The following MED12 variants were observed in gnomAD, a reference collection of about 807,000 sequenced individuals.
MED12 encodes the protein mediator of RNA polymerase II transcription subunit 12.
In MED12, 10 loss-of-function variants were observed where a neutral mutation model predicts 177.7. That is an observed-to-expected ratio of 0.06 (90% CI 0.03 to 0.10). MED12 has a LOEUF of 0.10. MED12 is among the 10% of genes least tolerant of loss of function. MED12 has a pLI of 1.00. For missense variants in MED12, 867 were observed against 1,780.8 expected (o/e 0.49, Z 9.23); for synonymous variants, 641 against 678.4 (o/e 0.94, Z 0.86).
Position 71,122,894 on chromosome X carries a change from G to C in MED12, c.1485+20G>C. Reference sequence around the variant, plus strand: ...CATGAGGTAAGCGAAAAGGGGAATAGAAGGAGCAAAAAACATTGCAAGAGC... The same window carrying C: ...CATGAGGTAAGCGAAAAGGGGAATACAAGGAGCAAAAAACATTGCAAGAGC... On this transcript the variant is annotated intron_variant, in intron 10 of 44. Transcript: ENST00000374080. The C allele has an allele frequency of 8.3e-7, 1 of 1,208,386 alleles. No homozygotes were observed. Among genetic ancestry groups the C allele is most frequent in the South Asian group, 1.8e-5 (1 of 56,947 alleles).
At chrX:71,128,897 T>G (rs2092309760) in intron 24 of MED12, 179 bp downstream of exon 24, 9 of 620,425 alleles carry the variant, frequency 1.5e-5, no homozygotes, top group Non-Finnish European at 2.0e-5. Flanking sequence ...GCCCTGGATT[T>G]GCAGCCCTGA....
At chrX:71,130,335 G>A (rs2092313778) in intron 28 of MED12, 121 bp downstream of exon 28, 2 of 759,059 alleles carry the variant, frequency 2.6e-6, no homozygotes, top group Non-Finnish European at 3.8e-6. Flanking sequence ...AAGGATATAG[G>A]GGAGGGGAGA....
chrX:71,131,454 T>G, intron 28 of MED12, 96 bp from the exon 29 acceptor site: 1 of 828,335 alleles, frequency 1.2e-6, no homozygotes, highest in Non-Finnish European at 1.8e-6. Flanking sequence ...GAGTCTGTGA[T>G]TCAATGTTGC....
At position 71,132,388 on chromosome X, in the gene MED12, G is replaced by A. The variant is rs1255849432; in HGVS notation, c.4265G>A (p.Arg1422His). 8.3e-7 allele frequency: 1 copy of A among 1,211,109 alleles called. No individual in the cohort carries two copies. The highest frequency in any genetic ancestry group is 1.1e-6 in the Non-Finnish European group (1 of 895,324). Residue 1422 changes from arginine to histidine, a missense_variant, in exon 31 of 45, where the codon CGC becomes CAC. By Grantham distance (29) the Arg-to-His change is conservative. Transcript: ENST00000374080. ...KTKPVLSSLE[R>H]SGVWLVAPLI... ...TGTCTGTTCTCCAGCTCTCTAGAGC[G>A]CTCTGGTGTATGGCTGGTGGCCCCC... is the stretch of plus-strand genomic sequence containing the variant.
Position 71,121,038 on chromosome X carries a change from A to T in MED12, c.621A>T (p.Pro207=), listed in dbSNP as rs1467258035. Reference sequence around the variant, plus strand: ...AGAAGATGGCTGAATACTACCGGCCAGGGCCTGCAGGAAGTGGGGGCTGTG... The same window carrying T: ...AGAAGATGGCTGAATACTACCGGCCTGGGCCTGCAGGAAGTGGGGGCTGTG... The part of the protein sequence containing the change: ...QLQKMAEYYR[P]GPAGSGGCGS... The change falls in exon 5 of 45, where the codon CCA becomes CCT. Residue 207 remains proline, a synonymous_variant. Coordinates refer to ENST00000374080, the MANE Select transcript of MED12 (RefSeq NM_005120.3). 5.8e-6 allele frequency: 7 copies of T among 1,209,762 alleles called. No individual in the cohort carries two copies. Among genetic ancestry groups the T allele is most frequent in the Non-Finnish European group, 7.8e-6 (7 of 895,016 alleles).
At chrX:71,140,483 C>A in intron 41 of MED12, 152 bp from the exon 42 acceptor site, 1 of 1,006,591 alleles carries the variant, frequency 9.9e-7, no homozygotes, top group Non-Finnish European at 1.4e-6. Context: ...TCTTATGCAA[C>A]TTATTCCCCA....
chrX:71,133,106 A>G lies in MED12; in HGVS notation c.4528-17A>G, dbSNP rs1209253819. ...CGAAGATCCCTGAGCTGCATATTTTATTTGTTTCTATTCTAGATTGTGAAT... is the reference window on the plus strand; with the variant it reads ...CGAAGATCCCTGAGCTGCATATTTTGTTTGTTTCTATTCTAGATTGTGAAT... On this transcript the variant is annotated splice_polypyrimidine_tract_variant and intron_variant, in intron 32 of 44. Coordinates refer to ENST00000374080, the MANE Select transcript of MED12 (RefSeq NM_005120.3). 8.8e-7 allele frequency: 1 copy of G among 1,138,587 alleles called. No individual in the cohort carries two copies. Among genetic ancestry groups the G allele is most frequent in the East Asian group, 3.0e-5 (1 of 33,519 alleles). 93.8% of individuals were successfully genotyped at this position (1,138,587 alleles called of 1,213,427 possible). A position where few individuals can be genotyped will look rare whatever the true frequency, so the allele number is the denominator to read the frequency against.
chrX:71,135,518 T>G (rs1304192999), intron 36 of MED12, among the ~76,000 whole-genome samples: 2 of 111,003 alleles, frequency 1.8e-5, no homozygotes, highest in Non-Finnish European at 3.8e-5. Flanking sequence ...CCCTCCTCTT[T>G]CCTCTGCTCC....
At chrX:71,129,497 G>T (rs1209782013) in intron 26 of MED12, 68 bp downstream of exon 26, 15 of 962,536 alleles carry the variant, frequency 1.6e-5, no homozygotes, top group Non-Finnish European at 2.2e-5. Flanking sequence ...AACTACAAGG[G>T]ACAGTCTTTC....
At position 71,132,155 on chromosome X, in the gene MED12, G is replaced by C. The variant is rs774091279; in HGVS notation, c.4202G>C (p.Gly1401Ala). The change falls in exon 30 of 45, where the codon GGA becomes GCA. Residue 1401 changes from glycine to alanine, a missense_variant. Gly to Ala is a moderately conservative substitution (Grantham distance 60, BLOSUM62 0). Around this residue, in one of 14 missense-constraint regions of MED12, gnomAD observed 46 missense variants for 71.7 expected, o/e 0.64. Transcript: ENST00000374080. The stretch of plus-strand genomic sequence containing the variant: ...TCAGCAGAGACAGGGTCATCTTCTG[G>C]AAGTACTGCAAGCAACATGCCCAGC... ...QQSAETGSSS[G>A]STASNMPSSS... The C allele has an allele frequency of 8.3e-7, 1 of 1,209,483 alleles. No homozygotes were observed. The highest frequency in any genetic ancestry group is 2.2e-5 in the Admixed American group (1 of 45,826).
chrX:71,131,125 C>CT (rs754896365), intron 28 of MED12, among the ~76,000 whole-genome samples: 24,982 of 80,041 alleles, frequency 0.31, 3,726 homozygotes, highest in Middle Eastern at 0.4. Context: ...TAAATGTAGT[C>CT]TTTTTTTTTT....
At chrX:71,133,852 A>G (rs1048417433) in intron 33 of MED12, among the ~76,000 whole-genome samples, 5 of 111,292 alleles carry the variant, frequency 4.5e-5, no homozygotes, top group African/African-American at 1.6e-4. Flanking sequence ...TCCAATTCCC[A>G]TCACTTTCTA....
intron 44 of MED12, 97 bp from the exon 45 acceptor site, chrX:71,142,078 A>G (rs1038032273): frequency 2.5e-5 from 28 of 1,107,223 alleles, no homozygotes; most frequent in Non-Finnish European, 3.4e-5. Flanking sequence ...GAGGCATTCC[A>G]TTCCATCCCC....
chrX:71,134,104 G>A (rs1377238431), intron 33 of MED12, among the ~76,000 whole-genome samples: 1 of 109,357 alleles, frequency 9.1e-6, no homozygotes, highest in Non-Finnish European at 1.9e-5. Flanking sequence ...GGTGGCAGGC[G>A]CCTGTAGTCC....
intron 35 of MED12, 120 bp from the exon 36 acceptor site, chrX:71,134,972 T>C: frequency 8.7e-7 from 1 of 1,153,417 alleles, no homozygotes; most frequent in Non-Finnish European, 1.2e-6. Flanking sequence ...TTGTTACTCA[T>C]GCCGTGAGCA....
Position 71,140,816 on chromosome X carries a change from C to T in MED12, c.6226C>T (p.Gln2076Ter), listed in dbSNP as rs2147839906. ...ACAGCAACAGCAGCAGCAGCAGCAG[C>T]AGTACCACATCCGGCAGCAGCAGCA... is the stretch of plus-strand genomic sequence containing the variant. ...QQQQQQQQQQQYHIRQQQQQQ... is the reference protein window; with the variant it reads ...QQQQQQQQQQ Residue 2076 changes from glutamine to a stop codon, truncating the protein, a stop_gained, in exon 42 of 45, where the codon CAG (glutamine) becomes TAG (stop). Coordinates refer to ENST00000374080, the MANE Select transcript of MED12 (RefSeq NM_005120.3). LOFTEE classifies it high-confidence loss of function. The T allele has an allele frequency of 8.3e-7, 1 of 1,205,536 alleles. No individual in the cohort carries two copies.
rs187026365 is a variant in MED12 at position 71,129,048 on chromosome X, G to A, written c.3476-66G>A. ...CATACACTTGCATGCATGCAGGCAC[G>A]CACACACATAAACCCACATACAGTT... On this transcript the variant is annotated intron_variant, in intron 24 of 44. Coordinates refer to ENST00000374080, the MANE Select transcript of MED12 (RefSeq NM_005120.3). 3.6e-5 allele frequency: 32 copies of A among 878,224 alleles called. No individual in the cohort carries two copies. The East Asian group carries it at 5.0e-4, about 14-fold the overall frequency. 72.4% of individuals were successfully genotyped at this position (878,224 alleles called of 1,213,427 possible).
chrX:71,127,417 T>A lies in MED12; in HGVS notation c.2931T>A (p.Asp977Glu). Residue 977 changes from aspartate to glutamate, a missense_variant, in exon 21 of 45, where the codon GAT (aspartate) becomes GAA (glutamate). Physicochemically the swap from Asp to Glu is conservative, Grantham distance 45 (BLOSUM62 2). This residue lies in a region of MED12 where 70 missense variants were observed against 143.6 expected (regional missense o/e 0.49). Transcript: ENST00000374080. The stretch of plus-strand genomic sequence containing the variant: ...GCTGTATCCTTGCTTATCTCTATGA[T>A]CTGTACACCTCCTGTAGCCATTTAA... ...AERCILAYLYDLYTSCSHLKN... is the reference protein window; with the variant it reads ...AERCILAYLYELYTSCSHLKN... The A allele has an allele frequency of 8.3e-7, 1 of 1,206,093 alleles. No individual in the cohort carries two copies. The highest frequency in any genetic ancestry group is 1.1e-6 in the Non-Finnish European group (1 of 890,932).
At chrX:71,122,965 A>G (rs1306846385) in intron 10 of MED12, 91 bp downstream of exon 10, 1 of 1,150,460 alleles carries the variant, frequency 8.7e-7, no homozygotes, top group Non-Finnish European at 1.2e-6. Flanking sequence ...TTGAAAGCAG[A>G]GCATATCTGC....
Sources: allele counts gnomAD v4.1 joint callset (sites outside exome capture counted in the v4.1 genomes callset), GRCh38; gene constraint gnomAD v4.1.1; regional missense constraint gnomAD v4.1.1; transcripts MANE v1.5; gene names NCBI Gene and HGNC (gene_info 2026-07-23, HGNC 2026-07-21).